Variants in LPAR3 observed in about 807,000 individuals in gnomAD.
LPAR3 encodes the protein LPA receptor 3.
LPAR3 carries 7 observed loss-of-function variants against 17.8 expected under a neutral mutation model. That is an observed-to-expected ratio of 0.39 (90% confidence interval 0.22 to 0.74). The LOEUF is 0.74. Among genes scored for constraint, LPAR3 ranks in the 30% least tolerant of loss-of-function variants. The pLI, the probability that LPAR3 is intolerant of heterozygous loss-of-function variation, is 0.40. For synonymous variants in LPAR3, 179 were observed against 179.9 expected (o/e 0.99, Z 0.04); for missense variants, 391 against 453.4 (o/e 0.86, Z 1.25).
At chr1:84,839,287 A>T (rs1175192787) in intron 2 of LPAR3, among the ~76,000 whole-genome samples, 1 of 152,122 alleles carries the variant, frequency 6.6e-6, no homozygotes, top group Non-Finnish European at 1.5e-5. Flanking sequence ...TGTTTTCCCA[A>T]TTTTTTGCAC....
Position 84,813,724 on chromosome 1 carries a change from T to G in LPAR3, c.*122A>C. The stretch of plus-strand genomic sequence containing the variant: ...TATGAAAAAAAATTTTTTAAAGAAA[T>G]CTAGCAGTGATTAATGGAGACCTCA... On this transcript the variant is annotated 3_prime_UTR_variant, in exon 3 of 3. Transcript: ENST00000370611. 1 of 811,880 alleles carries G rather than the reference T, an allele frequency of 1.2e-6. No homozygotes were observed. The highest frequency in any genetic ancestry group is 1.9e-5 in the South Asian group (1 of 53,266). 50.3% of individuals were successfully genotyped at this position (811,880 alleles called of 1,614,324 possible). A position where few individuals can be genotyped will look rare whatever the true frequency, so the allele number is the denominator to read the frequency against.
Position 84,814,122 on chromosome 1 carries a change from G to A in LPAR3, c.786C>T (p.Asp262=), listed in dbSNP as rs769501680. Residue 262 remains aspartate, a synonymous_variant, in exon 3 of 3, where the codon GAC becomes GAT. Transcript: ENST00000370611. ...WTPGLVVLLL[D]GLNCRQCGVQ... ...CGCCACACTGCCTGCAGTTCAGGCCGTCGAGGAGCAGAACCACCAGGCCCG... is the reference window on the plus strand; with the variant it reads ...CGCCACACTGCCTGCAGTTCAGGCCATCGAGGAGCAGAACCACCAGGCCCG... The A allele has an allele frequency of 2.7e-5, 43 of 1,614,018 alleles. No individual in the cohort carries two copies. The African/African-American group carries it at 2.7e-4, about 10-fold the overall frequency.
chr1:84,862,822 G>A (rs529055351), intron 2 of LPAR3, among the ~76,000 whole-genome samples: 76 of 152,278 alleles, frequency 5.0e-4, no homozygotes, highest in Non-Finnish European at 8.2e-4. Context: ...CTCAGCAACA[G>A]TCCCCATTGC....
At chr1:84,820,933 T>TA (rs747428082) in intron 2 of LPAR3, among the ~76,000 whole-genome samples, 1 of 152,182 alleles carries the variant, frequency 6.6e-6, no homozygotes. Flanking sequence ...CAGCGATTTT[T>TA]TAAAAAAAAT....
At chr1:84,867,698 T>C (rs1410047544) in intron 1 of LPAR3, among the ~76,000 whole-genome samples, 4 of 152,234 alleles carry the variant, frequency 2.6e-5, no homozygotes, top group Non-Finnish European at 5.9e-5. Context: ...TATCTTTCAA[T>C]TACAAGAAAG....
chr1:84,851,673 T>C (rs1570883088), intron 2 of LPAR3, among the ~76,000 whole-genome samples: 1 of 152,306 alleles, frequency 6.6e-6, no homozygotes, highest in South Asian at 2.1e-4. Context: ...GACAGGAGTT[T>C]GCCATGCTAC....
intron 2 of LPAR3, among the ~76,000 whole-genome samples, chr1:84,844,036 T>C (rs1384250167): frequency 6.6e-6 from 1 of 152,236 alleles, no homozygotes; most frequent in Non-Finnish European, 1.5e-5. Context: ...TTCTAATTTA[T>C]TTGTTGATGG....
intron 2 of LPAR3, among the ~76,000 whole-genome samples, chr1:84,822,860 G>A (rs1051839010): frequency 1.6e-4 from 25 of 152,192 alleles, no homozygotes; most frequent in African/African-American, 5.5e-4. Flanking sequence ...TGACATATGA[G>A]TGGCACACAA....
chr1:84,882,682 T>A (rs1002251576), intron 1 of LPAR3, among the ~76,000 whole-genome samples: 17 of 152,132 alleles, frequency 1.1e-4, no homozygotes, highest in African/African-American at 4.1e-4. Flanking sequence ...AACCCACACA[T>A]ACATAATCAA....
intron 1 of LPAR3, among the ~76,000 whole-genome samples, chr1:84,869,919 C>A (rs59999412): frequency 0.016 from 2,408 of 152,304 alleles, 82 homozygotes; most frequent in African/African-American, 0.055. Flanking sequence ...ATAACCAAAA[C>A]TTGACTTGCA....
chr1:84,863,440 TCTC>T (rs1190213224), intron 2 of LPAR3, among the ~76,000 whole-genome samples: 17 of 152,250 alleles, frequency 1.1e-4, no homozygotes, highest in South Asian at 2.1e-4. Flanking sequence ...TAATGCTTCC[TCTC>T]CTCGATTGCC....
chr1:84,834,399 AC>A (rs35640294), intron 2 of LPAR3, among the ~76,000 whole-genome samples: 2 of 152,222 alleles, frequency 1.3e-5, no homozygotes, highest in African/African-American at 4.8e-5. Flanking sequence ...CCCTTAGGTA[AC>A]CAGGTTGGAG....
Position 84,892,117 on chromosome 1 carries a change from G to A in LPAR3, c.-19+899C>T, listed in dbSNP as rs537558079. 2.0e-5 allele frequency among the ~76,000 whole-genome samples: 3 copies of A among 152,122 alleles called. No homozygotes were observed. In the South Asian group the frequency reaches 6.2e-4, roughly 32 times the overall value. On this transcript the variant is annotated intron_variant, in intron 1 of 2. Transcript: ENST00000370611. ...AATCCCAGCTACTAGGGAGGCTGAG[G>A]CAGGAGAATCGCTCGAACCTGGGAG...
At chr1:84,858,573 C>A (rs1659875579) in intron 2 of LPAR3, among the ~76,000 whole-genome samples, 1 of 151,956 alleles carries the variant, frequency 6.6e-6, no homozygotes, top group East Asian at 1.9e-4. Context: ...AGCCAGAGCC[C>A]ATCTAAGGCC....
chr1:84,842,223 G>C lies in LPAR3; in HGVS notation c.736+23162C>G, dbSNP rs539647255. Among the ~76,000 whole-genome samples the C allele has an allele frequency of 2.0e-5, 3 of 152,266 alleles. No homozygotes were observed. In the South Asian group the frequency reaches 6.2e-4, roughly 32 times the overall value. Reference sequence around the variant, plus strand: ...GAGTTGGTTCTTGTTTTTGCAATCAGAAGTATAGTTAATACATTGAATGGA... The same window carrying C: ...GAGTTGGTTCTTGTTTTTGCAATCACAAGTATAGTTAATACATTGAATGGA... On this transcript the variant is annotated intron_variant, in intron 2 of 2. Coordinates refer to ENST00000370611, the MANE Select transcript of LPAR3 (RefSeq NM_012152.3).
At position 84,828,249 on chromosome 1, in the gene LPAR3, C is replaced by T. The variant is rs139441939; in HGVS notation, c.737-14078G>A. Among the ~76,000 whole-genome samples the T allele has an allele frequency of 3.2e-3, 489 of 152,266 alleles. 2 individuals are homozygous for T. Among genetic ancestry groups the T allele is most frequent in the Middle Eastern group, 0.024 (7 of 294 alleles). Reference sequence around the variant, plus strand: ...TCTTAAATAGTCAGCTTCTCCAATACTGCATTTTGCTTTTTTATGCTTTTT... The same window carrying T: ...TCTTAAATAGTCAGCTTCTCCAATATTGCATTTTGCTTTTTTATGCTTTTT... On this transcript the variant is annotated intron_variant, in intron 2 of 2. Transcript: ENST00000370611.
At chr1:84,889,804 T>C (rs1042680483) in intron 1 of LPAR3, among the ~76,000 whole-genome samples, 4 of 152,208 alleles carry the variant, frequency 2.6e-5, no homozygotes, top group Admixed American at 1.3e-4. Flanking sequence ...CTGGATGTCC[T>C]GCCTCTTTAA....
intron 2 of LPAR3, among the ~76,000 whole-genome samples, chr1:84,860,830 C>T (rs1659926729): frequency 6.7e-6 from 1 of 149,944 alleles, no homozygotes; most frequent in South Asian, 2.1e-4. Flanking sequence ...CCTCCACCTC[C>T]TGGGTTCAAC....
At chr1:84,827,253 A>C (rs1659177398) in intron 2 of LPAR3, among the ~76,000 whole-genome samples, 1 of 152,238 alleles carries the variant, frequency 6.6e-6, no homozygotes, top group Non-Finnish European at 1.5e-5. Flanking sequence ...TGTACTATAC[A>C]CTGAGCCAAA....
Sources: gnomAD v4.1 joint callset for allele counts (sites outside exome capture counted in the v4.1 genomes callset) on GRCh38, gnomAD v4.1.1 for gene constraint, MANE v1.5 for transcripts, NCBI Gene and HGNC (gene_info 2026-07-23, HGNC 2026-07-21) for gene names.